Variants in TBC1D22A observed in about 807,000 individuals in gnomAD.
TBC1D22A encodes the protein putative GTPase activator.
TBC1D22A carries 38 observed loss-of-function variants against 60.2 expected under a neutral mutation model. The observed-to-expected ratio is 0.63, with a 90% CI of 0.49 to 0.83. TBC1D22A has a LOEUF of 0.83. Among genes scored for constraint, TBC1D22A ranks in the 40% least tolerant of loss-of-function variants. TBC1D22A has a pLI of 0.00. For synonymous variants in TBC1D22A, 302 were observed against 281.7 expected (o/e 1.07, Z -0.72); for missense variants, 628 against 701.0 (o/e 0.90, Z 1.18).
chr22:46,836,243 A>G (rs2086514026), intron 4 of TBC1D22A, among the ~76,000 whole-genome samples: 1 of 152,262 alleles, frequency 6.6e-6, no homozygotes, highest in Non-Finnish European at 1.5e-5. Context: ...CACCAAAAAT[A>G]TTAAAATAAC....
chr22:47,121,737 A>G (rs1265921325), intron 12 of TBC1D22A, among the ~76,000 whole-genome samples: 1 of 144,078 alleles, frequency 6.9e-6, no homozygotes, highest in Non-Finnish European at 1.5e-5. Context: ...TGTATTTTGC[A>G]TGTTCTTTTC....
At chr22:46,941,745 T>C (rs2072139943) in intron 8 of TBC1D22A, among the ~76,000 whole-genome samples, 1 of 147,690 alleles carries the variant, frequency 6.8e-6, no homozygotes, top group African/African-American at 2.5e-5. Flanking sequence ...GGAATATATA[T>C]ATGCGGAATA....
chr22:46,769,590 T>C (rs2083417962), intron 1 of TBC1D22A, among the ~76,000 whole-genome samples: 2 of 151,808 alleles, frequency 1.3e-5, no homozygotes. Flanking sequence ...ATCTGGCTGC[T>C]GAGGTCAGGG....
chr22:46,992,940 C>G (rs900875692), intron 9 of TBC1D22A, among the ~76,000 whole-genome samples: 5 of 152,098 alleles, frequency 3.3e-5, no homozygotes, highest in Non-Finnish European at 7.3e-5. Context: ...CAGGTCAAGG[C>G]CTGGGCGTGG....
intron 12 of TBC1D22A, among the ~76,000 whole-genome samples, chr22:47,120,501 A>G (rs2066232829): frequency 6.6e-6 from 1 of 152,244 alleles, no homozygotes; most frequent in East Asian, 1.9e-4. Context: ...AGCCAGCCCT[A>G]GAACTAGTGT....
intron 8 of TBC1D22A, among the ~76,000 whole-genome samples, chr22:46,917,724 G>T (rs563195824): frequency 2.0e-5 from 3 of 152,274 alleles, no homozygotes; most frequent in Non-Finnish European, 4.4e-5. Flanking sequence ...GACAGTCGCG[G>T]CTGTGGATGT....
In TBC1D22A at chr22:47,170,328, G is replaced by A. The variant is rs149740151; in HGVS notation, c.1426-3170G>A. Among the ~76,000 whole-genome samples the A allele has an allele frequency of 6.3e-3, 956 of 152,272 alleles. 16 individuals are homozygous for A. The highest frequency in any genetic ancestry group is 0.022 in the African/African-American group (917 of 41,552). ...TACTGCTTCTCACCTTGCAAGGAGC[G>A]AGGTCATGATAATATGAAGCGAAGT... is the stretch of plus-strand genomic sequence containing the variant. On this transcript the variant is annotated intron_variant, in intron 12 of 12. Coordinates refer to ENST00000337137, the MANE Select transcript of TBC1D22A (RefSeq NM_014346.5).
intron 1 of TBC1D22A, among the ~76,000 whole-genome samples, chr22:46,764,563 T>C (rs1464569828): frequency 1.3e-5 from 2 of 152,120 alleles, no homozygotes; most frequent in African/African-American, 4.8e-5. Context: ...TTATACTGAG[T>C]TGAATTTATG....
chr22:46,898,268 A>G (rs2147658613), intron 7 of TBC1D22A, among the ~76,000 whole-genome samples: 1 of 152,300 alleles, frequency 6.6e-6, no homozygotes, highest in South Asian at 2.1e-4. Context: ...GTCTCTGACC[A>G]CCATGGGCCT....
chr22:46,972,949 G>T (rs2074131597), intron 8 of TBC1D22A, among the ~76,000 whole-genome samples: 1 of 152,192 alleles, frequency 6.6e-6, no homozygotes, highest in Non-Finnish European at 1.5e-5. Flanking sequence ...CAGGGCTGTT[G>T]CCTCCCTGTC....
intron 7 of TBC1D22A, among the ~76,000 whole-genome samples, chr22:46,899,748 C>T (rs1281910733): frequency 6.6e-6 from 1 of 152,106 alleles, no homozygotes. Flanking sequence ...ATGCCATACC[C>T]CCACTTTAAA....
chr22:47,045,005 A>G (rs979067230), intron 11 of TBC1D22A, among the ~76,000 whole-genome samples: 3 of 152,228 alleles, frequency 2.0e-5, no homozygotes, highest in African/African-American at 7.2e-5. Context: ...CCAGGAAAGA[A>G]TGACTCTCCA....
At chr22:46,847,986 C>T (rs973342719) in intron 4 of TBC1D22A, among the ~76,000 whole-genome samples, 2 of 151,168 alleles carry the variant, frequency 1.3e-5, no homozygotes, top group African/African-American at 4.9e-5. Context: ...ACAGTAAATA[C>T]CCGGAGGGAA....
In TBC1D22A at chr22:47,045,379, A is replaced by G. The variant is rs142629447; in HGVS notation, c.1329+8181A>G. Among the ~76,000 whole-genome samples, 529 of 152,302 alleles carry G rather than the reference A, an allele frequency of 3.5e-3. 2 individuals carry two copies. The highest frequency in any genetic ancestry group is 5.4e-3 in the Non-Finnish European group (366 of 68,026). ...GTCAACCTGGGCCTCCTCACTCTGCAGACGTCCAGCTCCCTCCCGGAAGCG... is the reference window on the plus strand; with the variant it reads ...GTCAACCTGGGCCTCCTCACTCTGCGGACGTCCAGCTCCCTCCCGGAAGCG... On this transcript the variant is annotated intron_variant, in intron 11 of 12. Coordinates refer to ENST00000337137, the MANE Select transcript of TBC1D22A (RefSeq NM_014346.5).
intron 11 of TBC1D22A, among the ~76,000 whole-genome samples, chr22:47,103,166 G>A (rs1010316177): frequency 6.6e-6 from 1 of 152,148 alleles, no homozygotes; most frequent in African/African-American, 2.4e-5. Flanking sequence ...TGGTGGATTT[G>A]GGGGTGTGTG....
intron 11 of TBC1D22A, among the ~76,000 whole-genome samples, chr22:47,090,042 C>T (rs2064854739): frequency 6.6e-6 from 1 of 152,134 alleles, no homozygotes; most frequent in East Asian, 1.9e-4. Context: ...TATCATTTCC[C>T]CGGGCCCCGC....
chr22:46,945,095 T>G (rs1339566710), intron 8 of TBC1D22A, among the ~76,000 whole-genome samples: 2 of 152,240 alleles, frequency 1.3e-5, no homozygotes, highest in East Asian at 3.8e-4. Context: ...GGTCATGACC[T>G]TAGTTCTTAA....
chr22:47,051,135 C>T (rs1031566163), intron 11 of TBC1D22A, among the ~76,000 whole-genome samples: 3 of 152,104 alleles, frequency 2.0e-5, no homozygotes, highest in African/African-American at 4.8e-5. Flanking sequence ...TCTCCTCCCT[C>T]GGGGCTGTAG....
At chr22:46,783,839 A>AT (rs869058582) in intron 1 of TBC1D22A, among the ~76,000 whole-genome samples, 17 of 151,912 alleles carry the variant, frequency 1.1e-4, no homozygotes, top group Admixed American at 1.3e-4. Flanking sequence ...TCTCAAAAAA[A>AT]TTTTTTTTAT....
Sources: gnomAD v4.1 joint callset for allele counts (sites outside exome capture counted in the v4.1 genomes callset) on GRCh38, gnomAD v4.1.1 for gene constraint, MANE v1.5 for transcripts, NCBI Gene and HGNC (gene_info 2026-07-23, HGNC 2026-07-21) for gene names.